The following WDR64 variants were observed in gnomAD, a reference collection of about 807,000 sequenced individuals.
WDR64 encodes the protein WD repeat domain 64.
A neutral mutation model predicts 139.3 loss-of-function variants in WDR64; 112 were observed. That is an observed-to-expected ratio of 0.80 (90% CI 0.69 to 0.94). The LOEUF (loss-of-function observed/expected upper bound fraction) is 0.94. Ranked by LOEUF, WDR64 falls within the 40% of genes least tolerant of loss-of-function variation. WDR64 has a pLI of 0.00. For synonymous variants in WDR64, 444 were observed against 437.7 expected (o/e 1.01, Z -0.18); for missense variants, 1,206 against 1,293.1 (o/e 0.93, Z 1.03).
intron 20 of WDR64, among the ~76,000 whole-genome samples, chr1:241,773,702 G>A (rs1450886380): frequency 2.0e-5 from 3 of 152,164 alleles, no homozygotes; most frequent in Non-Finnish European, 4.4e-5. Flanking sequence ...TCCTGACCTC[G>A]TGATCCGCCA....
chr1:241,787,665 C>CAAAAA (rs58063137), intron 23 of WDR64, among the ~76,000 whole-genome samples, 184 bp from the exon 24 acceptor site: 3 of 116,632 alleles, frequency 2.6e-5, no homozygotes, highest in African/African-American at 6.2e-5. Flanking sequence ...AACTCCATCT[C>CAAAAA]AAAAAAAAAA....
chr1:241,791,484 T>C (rs1451213149), intron 25 of WDR64, among the ~76,000 whole-genome samples: 1 of 152,066 alleles, frequency 6.6e-6, no homozygotes, highest in Non-Finnish European at 1.5e-5. Flanking sequence ...CTAGGCAACA[T>C]AGTGAGACTA....
chr1:241,777,534 C>T (rs1355675610), intron 21 of WDR64, among the ~76,000 whole-genome samples: 3 of 151,880 alleles, frequency 2.0e-5, no homozygotes, highest in East Asian at 1.9e-4. Flanking sequence ...TTTCCCACCT[C>T]AGCCTCCCAA....
intron 15 of WDR64, among the ~76,000 whole-genome samples, chr1:241,761,870 A>G (rs1450299440): frequency 6.6e-6 from 1 of 152,244 alleles, no homozygotes; most frequent in East Asian, 1.9e-4. Context: ...GCAGCAAGTT[A>G]CGCTTCGCTT....
chr1:241,769,959 G>T (rs143669871), intron 17 of WDR64, among the ~76,000 whole-genome samples: 1 of 152,148 alleles, frequency 6.6e-6, no homozygotes, highest in African/African-American at 2.4e-5. Flanking sequence ...AAGAGCAAGG[G>T]ATTTAAGAAA....
intron 8 of WDR64, among the ~76,000 whole-genome samples, chr1:241,692,946 TC>T (rs1043965341): frequency 2.6e-5 from 4 of 152,202 alleles, no homozygotes; most frequent in African/African-American, 9.7e-5. Context: ...AAAGGGACTC[TC>T]ATTCATTGCT....
rs886318409 is a variant in WDR64 at position 241,741,562 on chromosome 1, T to G, written c.1368T>G (p.Asp456Glu). 5.6e-6 allele frequency: 9 copies of G among 1,613,464 alleles called. No homozygotes were observed. Among genetic ancestry groups the G allele is most frequent in the Non-Finnish European group, 7.6e-6 (9 of 1,179,858 alleles). The change falls in exon 12 of 28, where the codon GAT becomes GAG. Residue 456 changes from aspartate to glutamate, a missense_variant. By Grantham distance (45) the Asp-to-Glu change is conservative (BLOSUM62 2). Coordinates refer to ENST00000437684, the MANE Select transcript of WDR64 (RefSeq NM_001367482.1). ...ATCCTTTGACTAGGATGATACAAGA[T>G]ACAAAACAGGTTCCTCACACTCATG... ...DMYPLTRMIQ[D>E]TKQVPHTHER...
intron 10 of WDR64, among the ~76,000 whole-genome samples, chr1:241,734,868 C>A (rs1379039025): frequency 6.6e-6 from 1 of 152,070 alleles, no homozygotes; most frequent in Non-Finnish European, 1.5e-5. Flanking sequence ...TAAGCTATAC[C>A]AGCTAGGTTT....
Position 241,656,742 on chromosome 1 carries a change from C to A in WDR64, c.146-3788C>A, listed in dbSNP as rs1305962397. 6.6e-6 allele frequency among the ~76,000 whole-genome samples: 1 copy of A among 151,790 alleles called. No homozygotes were observed. The highest frequency in any genetic ancestry group is 1.5e-5 in the Non-Finnish European group (1 of 67,962). ...TGTGTGCGTGTGTGGAGTTGGGGGCCTAGGGTGGGGGCTGTCTTGTGCATT... is the reference window on the plus strand; with the variant it reads ...TGTGTGCGTGTGTGGAGTTGGGGGCATAGGGTGGGGGCTGTCTTGTGCATT... On this transcript the variant is annotated intron_variant, in intron 1 of 27. Transcript: ENST00000437684. This position sits in a 1 kb window ranked among gnomAD's most constrained non-coding sequence, Gnocchi z 4.3.
At chr1:241,696,633 A>C (rs1472262372) in intron 8 of WDR64, among the ~76,000 whole-genome samples, 2 of 151,976 alleles carry the variant, frequency 1.3e-5, no homozygotes, top group Non-Finnish European at 2.9e-5. Context: ...ACTTCCTGAC[A>C]TTGTCCTGGT....
intron 7 of WDR64, among the ~76,000 whole-genome samples, chr1:241,685,239 G>T (rs1049660037): frequency 5.3e-5 from 8 of 150,978 alleles, no homozygotes; most frequent in Non-Finnish European, 1.2e-4. Context: ...AGATTTCAAG[G>T]ATGTTCAGTA....
At chr1:241,731,097 C>T (rs12078269) in intron 10 of WDR64, among the ~76,000 whole-genome samples, 2,916 of 152,086 alleles carry the variant, frequency 0.019, 81 homozygotes, top group African/African-American at 0.066. Flanking sequence ...AATATATGTG[C>T]AAAGAGGTTC....
intron 17 of WDR64, among the ~76,000 whole-genome samples, chr1:241,770,037 A>G (rs577685785): frequency 6.6e-6 from 1 of 152,332 alleles, no homozygotes; most frequent in East Asian, 1.9e-4. Context: ...AATGCCACAC[A>G]TAGCTTTGGA....
At chr1:241,779,707 G>A (rs1462902541) in intron 21 of WDR64, among the ~76,000 whole-genome samples, 1 of 152,074 alleles carries the variant, frequency 6.6e-6, no homozygotes. Context: ...GCAGGCACCT[G>A]TAATCCCAGC....
Position 241,703,317 on chromosome 1 carries a change from A to C in WDR64, c.975-8485A>C, listed in dbSNP as rs1025436505. 1.3e-5 allele frequency among the ~76,000 whole-genome samples: 2 copies of C among 152,124 alleles called. No individual in the cohort carries two copies. The highest frequency in any genetic ancestry group is 4.8e-5 in the African/African-American group (2 of 41,420). On this transcript the variant is annotated intron_variant, in intron 8 of 27. Transcript: ENST00000437684. This position sits in a 1 kb window ranked among gnomAD's most constrained non-coding sequence, Gnocchi z 5.9. ...CGTGTAACACATGCCCCCTGAAAAA[A>C]GTCACCCCTTTACCTTCTACCTGAT...
intron 16 of WDR64, 67 bp from the exon 17 acceptor site, chr1:241,769,337 C>A: frequency 7.9e-7 from 1 of 1,259,370 alleles, no homozygotes. Flanking sequence ...AGAGGATATA[C>A]AATCTTAGTA....
intron 3 of WDR64, 130 bp downstream of exon 3, chr1:241,671,306 G>A (rs1558463325): frequency 9.2e-6 from 6 of 650,966 alleles, no homozygotes; most frequent in Admixed American, 3.1e-5. Context: ...ACTAGGTGTC[G>A]GGGGTGGTGA....
intron 9 of WDR64, among the ~76,000 whole-genome samples, chr1:241,712,640 T>A (rs1468791885): frequency 6.6e-6 from 1 of 152,142 alleles, no homozygotes; most frequent in Non-Finnish European, 1.5e-5. Flanking sequence ...TCCAATCTCA[T>A]TTGTAAGTGG....
At position 241,742,876 on chromosome 1, in the gene WDR64, C is replaced by T. The variant is rs115185964; in HGVS notation, c.1470+1212C>T. 4.9e-3 allele frequency among the ~76,000 whole-genome samples: 739 copies of T among 152,248 alleles called. 8 individuals carry two copies. The highest frequency in any genetic ancestry group is 0.017 in the African/African-American group (696 of 41,552). ...GCCATGCTAACCGTGTCCATCATTA[C>T]GGCCACTGAAGTCATCCGGCAGTGA... On this transcript the variant is annotated intron_variant, in intron 12 of 27. Coordinates refer to ENST00000437684, the MANE Select transcript of WDR64 (RefSeq NM_001367482.1).
Sources: allele counts gnomAD v4.1 joint callset (sites outside exome capture counted in the v4.1 genomes callset), GRCh38; gene constraint gnomAD v4.1.1; non-coding constraint Gnocchi (gnomAD v3.1); transcripts MANE v1.5; gene names NCBI Gene and HGNC (gene_info 2026-07-23, HGNC 2026-07-21).